ADGRL1: variants seen among roughly 807,000 people sequenced by gnomAD.
ADGRL1 encodes the protein CIRL-1.
A neutral mutation model predicts 148.9 loss-of-function variants in ADGRL1; 31 were observed. That is an observed-to-expected ratio of 0.21 (90% CI 0.16 to 0.28). ADGRL1 has a LOEUF of 0.28. ADGRL1 is among the 10% of genes least tolerant of loss of function. The pLI is 1.00. For missense variants in ADGRL1, 1,521 were observed against 2,058.8 expected (o/e 0.74, Z 5.05); for synonymous variants, 937 against 900.3 (o/e 1.04, Z -0.73).
intron 1 of ADGRL1, among the ~76,000 whole-genome samples, chr19:14,190,678 A>C (rs1344396848): frequency 6.6e-6 from 1 of 152,140 alleles, no homozygotes; most frequent in Non-Finnish European, 1.5e-5. Flanking sequence ...TACGAGTTCA[A>C]TTCTTTTTTA....
In ADGRL1 at chr19:14,158,447, C is replaced by G; in HGVS notation, c.2255G>C (p.Gly752Ala). The G allele has an allele frequency of 6.2e-7, 1 of 1,613,844 alleles. No homozygotes were observed. The highest frequency in any genetic ancestry group is 8.5e-7 in the Non-Finnish European group (1 of 1,180,028). The change falls in exon 12 of 23, where the codon GGG (glycine) becomes GCG (alanine). Residue 752 changes from glycine to alanine, a missense_variant. Transcript: ENST00000361434. ...TGAGTTCACCACTAGAGAGGCGCCC[C>G]CAGGGCCACCCGGGCCTGCTTCGCC... Reference protein sequence around the residue: ...LAGEAGPGGPGGASLVVNSQV... With the variant: ...LAGEAGPGGPAGASLVVNSQV...
At chr19:14,202,567 G>A (rs1408479095) in intron 1 of ADGRL1, among the ~76,000 whole-genome samples, 2 of 152,120 alleles carry the variant, frequency 1.3e-5, no homozygotes, top group African/African-American at 4.8e-5. Flanking sequence ...GGAGAGCTTT[G>A]ATGGAAACCC....
intron 1 of ADGRL1, among the ~76,000 whole-genome samples, chr19:14,186,801 T>G (rs1033333419): frequency 2.0e-5 from 3 of 152,082 alleles, no homozygotes; most frequent in Non-Finnish European, 4.4e-5. Context: ...TCCTGAAACA[T>G]TCAACATTCC....
At chr19:14,176,469 A>G (rs1970834512) in intron 3 of ADGRL1, among the ~76,000 whole-genome samples, 1 of 152,076 alleles carries the variant, frequency 6.6e-6, no homozygotes, top group Non-Finnish European at 1.5e-5. Context: ...CCCCACACAC[A>G]ATCACTCACA....
In ADGRL1 at chr19:14,159,191, G is replaced by A; in HGVS notation, c.2048C>T (p.Thr683Ile). 6.2e-7 allele frequency: 1 copy of A among 1,614,102 alleles called. No individual in the cohort carries two copies. The highest frequency in any genetic ancestry group is 2.2e-5 in the East Asian group (1 of 44,880). ...CACCAGCTCCTGCACCTGGCCCTCT[G>A]TGTTCAGGACTGTGACCTCCAGGAC... is the stretch of plus-strand genomic sequence containing the variant. ...NVVLEVTVLNTEGQVQELVFP... is the reference protein window; with the variant it reads ...NVVLEVTVLNIEGQVQELVFP... The change falls in exon 11 of 23, where the codon ACA becomes ATA. Residue 683 changes from threonine (T) to isoleucine (I), a missense_variant. Thr to Ile is a moderately conservative substitution (Grantham distance 89). This residue lies in a region of ADGRL1 where 265 missense variants were observed against 431.9 expected (regional missense o/e 0.61). Transcript: ENST00000361434. This position sits in a 1 kb window ranked among gnomAD's most constrained non-coding sequence, Gnocchi z 6.0.
Position 14,150,812 on chromosome 19 carries a change from G to C in ADGRL1, c.*61C>G. The C allele has an allele frequency of 1.3e-6, 2 of 1,568,036 alleles. No homozygotes were observed. Among genetic ancestry groups the C allele is most frequent in the Admixed American group, 1.9e-5 (1 of 53,976 alleles). ...CTCCATCTGTCTCCCTCTCCCACCA[G>C]AGCCCTGCCCAGGGTTCCCTCCCTG... On this transcript the variant is annotated 3_prime_UTR_variant, in exon 23 of 23. Coordinates refer to ENST00000361434, the MANE Select transcript of ADGRL1 (RefSeq NM_014921.5).
At chr19:14,177,291 T>TG (rs1291536561) in intron 3 of ADGRL1, among the ~76,000 whole-genome samples, 1 of 151,926 alleles carries the variant, frequency 6.6e-6, no homozygotes, top group African/African-American at 2.4e-5. Flanking sequence ...AAGAGGCTGG[T>TG]GGGGGGAGGG....
At chr19:14,201,981 A>T (rs565034494) in intron 1 of ADGRL1, among the ~76,000 whole-genome samples, 271 of 152,150 alleles carry the variant, frequency 1.8e-3, no homozygotes, top group African/African-American at 6.1e-3. Flanking sequence ...ATATTTCAAG[A>T]GGGTGGGGGA....
intron 3 of ADGRL1, among the ~76,000 whole-genome samples, chr19:14,172,022 A>C (rs1297574025): frequency 6.6e-6 from 1 of 152,226 alleles, no homozygotes; most frequent in African/African-American, 2.4e-5. Flanking sequence ...ACACAGGCAG[A>C]CACTTGAGAA....
chr19:14,151,666 T>TAGG (rs745415222), intron 22 of ADGRL1, 51 bp from the exon 23 acceptor site: 21 of 1,510,116 alleles, frequency 1.4e-5, no homozygotes, highest in Non-Finnish European at 1.8e-5. Flanking sequence ...CTGGATGCAC[T>TAGG]AGGGGACAGT....
chr19:14,164,303 A>G (rs1421897447), intron 4 of ADGRL1, among the ~76,000 whole-genome samples: 1 of 151,970 alleles, frequency 6.6e-6, no homozygotes, highest in African/African-American at 2.4e-5. Flanking sequence ...GGAGAGGGAC[A>G]GGGCTCCCGG....
intron 3 of ADGRL1, among the ~76,000 whole-genome samples, chr19:14,173,778 C>A (rs1970634606): frequency 6.6e-6 from 1 of 151,824 alleles, no homozygotes; most frequent in Non-Finnish European, 1.5e-5. Flanking sequence ...GAAACGTCGT[C>A]TTTACTAAAA....
At chr19:14,163,946 GTT>G (rs5827221) in intron 4 of ADGRL1, among the ~76,000 whole-genome samples, 15,679 of 148,136 alleles carry the variant, frequency 0.11, 970 homozygotes, top group Admixed American at 0.18. Flanking sequence ...CCCGGACAGT[GTT>G]TTTTTTTTTA....
Position 14,150,822 on chromosome 19 carries a change from CA to C in ADGRL1, c.*50del. The C allele has an allele frequency of 6.3e-7, 1 of 1,583,406 alleles. No homozygotes were observed. The highest frequency in any genetic ancestry group is 2.2e-5 in the East Asian group (1 of 44,614). On this transcript the variant is annotated 3_prime_UTR_variant, in exon 23 of 23. Coordinates refer to ENST00000361434, the MANE Select transcript of ADGRL1 (RefSeq NM_014921.5). ...CTCCCTCTCCCACCAGAGCCCTGCC[CA>C]GGGTTCCCTCCCTGGCCTGGGCCAC...
rs761920179 is a variant in ADGRL1, at chr19:14,155,398, C to T, written c.3255G>A (p.Gly1085=). 6.2e-7 allele frequency: 1 copy of T among 1,614,082 alleles called. No homozygotes were observed. The highest frequency in any genetic ancestry group is 1.1e-5 in the South Asian group (1 of 91,072). Residue 1085 remains glycine (G), a synonymous_variant, in exon 18 of 23, where the codon GGG becomes GGA. Transcript: ENST00000361434. The surrounding 1 kb of genome is among the most constrained non-coding windows in gnomAD (Gnocchi z 5.0). Reference sequence around the variant, plus strand: ...CGCAGTGAAAGACGAAGATGAAGACCCCCTGGAAGGCGTTGAAGGTGGTGA... The same window carrying T: ...CGCAGTGAAAGACGAAGATGAAGACTCCCTGGAAGGCGTTGAAGGTGGTGA... The part of the protein sequence containing the change: ...YLFTTFNAFQ[G]VFIFVFHCAL...
intron 1 of ADGRL1, among the ~76,000 whole-genome samples, chr19:14,184,634 A>C (rs867349571): frequency 8.4e-6 from 1 of 119,050 alleles, no homozygotes; most frequent in Non-Finnish European, 1.6e-5. Flanking sequence ...TTATTTATTT[A>C]TTTATTTATT....
chr19:14,192,013 G>T (rs1399972137), intron 1 of ADGRL1, among the ~76,000 whole-genome samples: 3 of 151,750 alleles, frequency 2.0e-5, no homozygotes, highest in African/African-American at 7.3e-5. Flanking sequence ...CTTCTTATTG[G>T]GATACCAGTC....
intron 1 of ADGRL1, among the ~76,000 whole-genome samples, chr19:14,189,778 T>C (rs1433830489): frequency 1.3e-5 from 2 of 152,256 alleles, no homozygotes; most frequent in East Asian, 1.9e-4. Context: ...TAAGGTTACA[T>C]GATATTTTGA....
In ADGRL1 at chr19:14,161,758, G is replaced by A. The variant is rs1260032673; in HGVS notation, c.1196-132C>T. 6 of 603,432 alleles carry A rather than the reference G, an allele frequency of 9.9e-6. No homozygotes were observed. The highest frequency in any genetic ancestry group is 1.5e-5 in the Non-Finnish European group (6 of 394,104). The allele number at this position is 603,432 out of a possible 1,614,324, so 37.4% of individuals were successfully genotyped here. On this transcript the variant is annotated intron_variant, in intron 5 of 22. Transcript: ENST00000361434. The surrounding 1 kb of genome is among the most constrained non-coding windows in gnomAD (Gnocchi z 4.4). ...GTGGAAACACGTGCCGGGCCCCACT[G>A]GGTCTATGAGTTGATCTCCCCTGGC...
Sources: gnomAD v4.1 joint callset for allele counts (sites outside exome capture counted in the v4.1 genomes callset) on GRCh38, gnomAD v4.1.1 for gene constraint, gnomAD v4.1.1 regional missense constraint, Gnocchi (gnomAD v3.1) non-coding constraint, MANE v1.5 for transcripts, NCBI Gene and HGNC (gene_info 2026-07-23, HGNC 2026-07-21) for gene names.